Variants in LUC7L2 observed in about 807,000 individuals in gnomAD.
LUC7L2 encodes the protein putative RNA-binding protein Luc7-like 2.
LUC7L2 carries 25 observed loss-of-function variants against 52.8 expected under a neutral mutation model. The observed-to-expected ratio is 0.47, with a 90% CI of 0.34 to 0.66. The LOEUF is 0.66. Among genes scored for constraint, LUC7L2 ranks in the 30% least tolerant of loss-of-function variants. The pLI is 0.01. For missense variants in LUC7L2, 328 were observed against 497.8 expected, an observed-to-expected ratio of 0.66 and a Z score of 3.25; for synonymous variants, 144 against 160.9, an observed-to-expected ratio of 0.89 and a Z score of 0.80.
In LUC7L2 at chr7:139,422,940, T is replaced by A. The variant is rs1208558013; in HGVS notation, c.*600T>A. 2.5e-6 allele frequency: 1 copy of A among 398,890 alleles called. No individual in the cohort carries two copies. Among genetic ancestry groups the A allele is most frequent in the Non-Finnish European group, 4.4e-6 (1 of 226,068 alleles). 24.7% of individuals were successfully genotyped at this position (398,890 alleles called of 1,614,324 possible). A position where few individuals can be genotyped will look rare whatever the true frequency, so the allele number is the denominator to read the frequency against. Reference sequence around the variant, plus strand: ...TTTAGAGTTGGAAGTTGAACAGCTGTTGCATTACATACTTTTGCTTTTTTA... The same window carrying A: ...TTTAGAGTTGGAAGTTGAACAGCTGATGCATTACATACTTTTGCTTTTTTA... On this transcript the variant is annotated 3_prime_UTR_variant, in exon 10 of 10. Coordinates refer to ENST00000354926, the MANE Select transcript of LUC7L2 (RefSeq NM_016019.5).
chr7:139,380,540 C>T (rs1389975939), intron 2 of LUC7L2, among the ~76,000 whole-genome samples: 1 of 152,136 alleles, frequency 6.6e-6, no homozygotes, highest in Non-Finnish European at 1.5e-5. Context: ...GTGGAGGTTG[C>T]AGTGAGCTGA....
intron 6 of LUC7L2, 86 bp from the exon 7 acceptor site, chr7:139,409,477 T>C: frequency 6.8e-7 from 1 of 1,481,252 alleles, no homozygotes; most frequent in East Asian, 2.5e-5. Flanking sequence ...TGTACTGTAT[T>C]AGAAACCAGA....
intron 5 of LUC7L2, among the ~76,000 whole-genome samples, chr7:139,406,455 C>G (rs530252493): frequency 6.6e-6 from 1 of 150,768 alleles, no homozygotes; most frequent in Non-Finnish European, 1.5e-5. Context: ...TGGGTTCAGG[C>G]GATTCTCTTG....
intron 1 of LUC7L2, chr7:139,363,274 T>G (rs1246208360): frequency 1.0e-6 from 1 of 980,254 alleles, no homozygotes; most frequent in Non-Finnish European, 1.2e-6. Context: ...GTTGAAACAT[T>G]GGTCACACTA....
chr7:139,371,540 G>T, intron 1 of LUC7L2: 1 of 1,452,156 alleles, frequency 6.9e-7, no homozygotes, highest in Non-Finnish European at 9.3e-7. Flanking sequence ...TTGTATGGGA[G>T]GGAGAGGGTG....
intron 2 of LUC7L2, among the ~76,000 whole-genome samples, chr7:139,388,549 G>GA (rs1276978015): frequency 6.6e-6 from 1 of 151,494 alleles, no homozygotes; most frequent in African/African-American, 2.4e-5. Context: ...GCATCTTCTG[G>GA]AAAAATGCTT....
intron 9 of LUC7L2, 56 bp downstream of exon 9, chr7:139,417,785 A>T (rs1569396962): frequency 7.1e-6 from 11 of 1,547,604 alleles, no homozygotes; most frequent in Non-Finnish European, 9.6e-6. Context: ...AGAGTTGTTT[A>T]TGTTTACTTA....
rs770816087 is a variant in LUC7L2, at chr7:139,377,081, G to GA, written c.156+931dup. 5.1e-4 allele frequency among the ~76,000 whole-genome samples: 77 copies of GA among 152,062 alleles called. 1 individual carries two copies. The highest frequency in any genetic ancestry group is 2.5e-4 in the Non-Finnish European group (17 of 68,000). On this transcript the variant is annotated intron_variant, in intron 2 of 9. Coordinates refer to ENST00000354926, the MANE Select transcript of LUC7L2 (RefSeq NM_016019.5). ...GTTGAAACTATATTATGTTAACGGG[G>GA]AAAAAAGAGCCTAAGTTTATTTTAA... is the stretch of plus-strand genomic sequence containing the variant.
upstream of LUC7L2, among the ~76,000 whole-genome samples, chr7:139,356,314 C>CAAAAAAA (rs10524961): frequency 4.8e-5 from 4 of 82,960 alleles, no homozygotes; most frequent in East Asian, 5.0e-4. Context: ...GACCCTATCT[C>CAAAAAAA]AAAAAAAAAA....
rs1202206241 is a variant in LUC7L2 at position 139,365,396 on chromosome 7, ATTCTT to A, written c.61+5077_61+5081del. Reference sequence around the variant, plus strand: ...CATCAGTTCTATAAGGAGCAAGTAAATTCTTTTATTTTCGTTTAGGTTGGATGTTG... The same window carrying A: ...CATCAGTTCTATAAGGAGCAAGTAAATTATTTTCGTTTAGGTTGGATGTTG... On this transcript the variant is annotated intron_variant, in intron 1 of 9. Transcript: ENST00000354926. Among the ~76,000 whole-genome samples, 24 of 152,296 alleles carry A rather than the reference ATTCTT, an allele frequency of 1.6e-4. No homozygotes were observed. In the South Asian group the frequency reaches 4.6e-3, roughly 29 times the overall value.
chr7:139,387,569 G>C (rs1400978783), intron 2 of LUC7L2, among the ~76,000 whole-genome samples: 1 of 152,094 alleles, frequency 6.6e-6, no homozygotes, highest in Non-Finnish European at 1.5e-5. Flanking sequence ...AATTTTCGAT[G>C]AAGTGACATT....
intron 9 of LUC7L2, among the ~76,000 whole-genome samples, chr7:139,420,524 A>G (rs1795849871): frequency 6.6e-6 from 1 of 152,182 alleles, no homozygotes; most frequent in African/African-American, 2.4e-5. Flanking sequence ...ATTTATAACT[A>G]TCTCACCTGT....
At chr7:139,402,339 T>C (rs1794950053) in intron 4 of LUC7L2, 92 bp downstream of exon 4, 1 of 1,263,852 alleles carries the variant, frequency 7.9e-7, no homozygotes, top group Non-Finnish European at 1.0e-6. Context: ...TTGCAAGAGA[T>C]TGCAAAGACA....
At chr7:139,376,019 C>T (rs765292616) in intron 1 of LUC7L2, 43 bp from the exon 2 acceptor site, 1 of 1,603,336 alleles carries the variant, frequency 6.2e-7, no homozygotes, top group Non-Finnish European at 8.5e-7. Context: ...AAATACTTTC[C>T]AGTTGTCTAA....
intron 1 of LUC7L2, among the ~76,000 whole-genome samples, chr7:139,343,829 C>T (rs972239369): frequency 2.1e-5 from 3 of 143,516 alleles, no homozygotes; most frequent in African/African-American, 5.3e-5. Flanking sequence ...CAGCTACTTG[C>T]GGGGCTGAGG....
chr7:139,417,268 TGAGCTCAAGC>T (rs1186881047), intron 8 of LUC7L2: 16 of 329,786 alleles, frequency 4.9e-5, no homozygotes, highest in Admixed American at 3.6e-4. Flanking sequence ...CTTGAAATCC[TGAGCTCAAGC>T]GATCCTCCTG....
At chr7:139,408,874 A>G (rs1377045846) in intron 6 of LUC7L2, among the ~76,000 whole-genome samples, 1 of 148,964 alleles carries the variant, frequency 6.7e-6, no homozygotes, top group African/African-American at 2.5e-5. Context: ...GGAGCTGGGT[A>G]TGGTGGCTTA....
rs1554391936 is a variant in LUC7L2 at position 139,383,899 on chromosome 7, A to AATG, written c.156+7745_156+7746insGAT. On this transcript the variant is annotated intron_variant, in intron 2 of 9. Transcript: ENST00000354926. ...CAGGTGCCCGCTACCATGCCTGGCTAATTATTATTATTATTATTATTTGTA... is the reference window on the plus strand; with the variant it reads ...CAGGTGCCCGCTACCATGCCTGGCTAATGATTATTATTATTATTATTATTTGTA... 4.7e-5 allele frequency among the ~76,000 whole-genome samples: 7 copies of AATG among 150,314 alleles called. No individual in the cohort carries two copies. In the East Asian group the frequency reaches 1.4e-3, roughly 30 times the overall value.
At chr7:139,358,131 C>T (rs772631513), upstream of LUC7L2, among the ~76,000 whole-genome samples, 2 of 151,900 alleles carry the variant, frequency 1.3e-5, no homozygotes, top group Non-Finnish European at 2.9e-5. Flanking sequence ...CCTCAGCCTC[C>T]GAGTAGCTGG....
Sources: allele counts gnomAD v4.1 joint callset (sites outside exome capture counted in the v4.1 genomes callset), GRCh38; gene constraint gnomAD v4.1.1; transcripts MANE v1.5; gene names NCBI Gene and HGNC (gene_info 2026-07-23, HGNC 2026-07-21).